The following NMNAT3 variants were observed in gnomAD, a reference collection of about 807,000 sequenced individuals.
NMNAT3 encodes the protein nicotinamide nucleotide adenylyltransferase 3, also known as nicotinamide/nicotinic acid mononucleotide adenylyltransferase 3.
A neutral mutation model predicts 24.8 loss-of-function variants in NMNAT3; 21 were observed. That is an observed-to-expected ratio of 0.85 (90% CI 0.60 to 1.22). The LOEUF (loss-of-function observed/expected upper bound fraction) is 1.22, where lower values mean the gene tolerates loss of function less well. Ranked by LOEUF, NMNAT3 falls within the 50% of genes most tolerant of loss-of-function variation. The pLI, the probability that NMNAT3 is intolerant of heterozygous loss-of-function variation, is 0.00. For synonymous variants in NMNAT3, 136 were observed against 155.2 expected (o/e 0.88, Z 0.92); for missense variants, 387 against 436.6 (o/e 0.89, Z 1.01).
chr3:139,614,001 G>C lies in NMNAT3; in HGVS notation c.109+13615C>G, dbSNP rs185194442. Reference sequence around the variant, plus strand: ...AGGGCCTGTTGTGGGGTGGGGGAAGGGGGGAGGGATAGCATTAGGAGATAT... The same window carrying C: ...AGGGCCTGTTGTGGGGTGGGGGAAGCGGGGAGGGATAGCATTAGGAGATAT... On this transcript the variant is annotated intron_variant, in intron 3 of 6. Transcript: ENST00000643695. Among the ~76,000 whole-genome samples, 439 of 151,988 alleles carry C rather than the reference G, an allele frequency of 2.9e-3. 3 individuals carry two copies. The highest frequency in any genetic ancestry group is 9.9e-3 in the African/African-American group (410 of 41,442).
chr3:139,567,188 G>T (rs1333645791), intron 6 of NMNAT3: 1 of 152,192 alleles, frequency 6.6e-6, no homozygotes, highest in African/African-American at 2.4e-5. Context: ...AAGAATGCTT[G>T]TGATTTTTGT....
intron 1 of NMNAT3, among the ~76,000 whole-genome samples, chr3:139,667,995 A>G (rs2057639161): frequency 6.6e-6 from 1 of 152,230 alleles, no homozygotes; most frequent in Non-Finnish European, 1.5e-5. Context: ...AGAGATAAGG[A>G]TATGGGAGGT....
intron 3 of NMNAT3, among the ~76,000 whole-genome samples, chr3:139,622,996 C>T (rs2108296782): frequency 6.6e-6 from 1 of 150,720 alleles, no homozygotes; most frequent in African/African-American, 2.4e-5. Flanking sequence ...ACTTTATAAA[C>T]ACTGTTTATT....
intron 1 of NMNAT3, among the ~76,000 whole-genome samples, chr3:139,640,077 T>C (rs368574417): frequency 2.0e-5 from 3 of 152,302 alleles, no homozygotes; most frequent in Middle Eastern, 3.4e-3. Context: ...GGACAGTGCA[T>C]GGTGGGACTC....
intron 6 of NMNAT3, 101 bp from the exon 7 acceptor site, chr3:139,561,493 C>A: frequency 2.6e-6 from 3 of 1,144,804 alleles, no homozygotes; most frequent in Non-Finnish European, 2.5e-6. Flanking sequence ...TTGGATGTAT[C>A]GAGAACTCAG....
chr3:139,613,785 C>G (rs560672527), intron 3 of NMNAT3, among the ~76,000 whole-genome samples: 1,789 of 152,218 alleles, frequency 0.012, 23 homozygotes, highest in South Asian at 0.022. Context: ...CACATATACA[C>G]CATGGAATAC....
At chr3:139,673,430 T>TAC (rs768265332) in intron 1 of NMNAT3, among the ~76,000 whole-genome samples, 2 of 152,196 alleles carry the variant, frequency 1.3e-5, no homozygotes, top group African/African-American at 2.4e-5. Context: ...CTTGGCAGCA[T>TAC]ACACCACTGC....
chr3:139,648,413 C>A (rs1043577356), intron 1 of NMNAT3, among the ~76,000 whole-genome samples: 2 of 152,178 alleles, frequency 1.3e-5, no homozygotes, highest in Non-Finnish European at 2.9e-5. Flanking sequence ...GAAAAGCAGG[C>A]AGCCAACTCC....
At chr3:139,656,011 A>T (rs749455706) in intron 1 of NMNAT3, among the ~76,000 whole-genome samples, 1 of 152,218 alleles carries the variant, frequency 6.6e-6, no homozygotes, top group African/African-American at 2.4e-5. Context: ...TCACTAACTC[A>T]GATGCATCCA....
chr3:139,664,074 T>C (rs1477090713), intron 1 of NMNAT3, among the ~76,000 whole-genome samples: 1 of 152,196 alleles, frequency 6.6e-6, no homozygotes, highest in Non-Finnish European at 1.5e-5. Context: ...CATATAGAAA[T>C]GTGAAGACTT....
chr3:139,581,195 A>G (rs986819031), intron 4 of NMNAT3, among the ~76,000 whole-genome samples: 2 of 152,222 alleles, frequency 1.3e-5, no homozygotes, highest in African/African-American at 4.8e-5. Context: ...GAGACTAAAG[A>G]TACAGAATAA....
chr3:139,669,478 GA>G (rs61403161), intron 1 of NMNAT3, among the ~76,000 whole-genome samples: 156 of 59,324 alleles, frequency 2.6e-3, no homozygotes, highest in African/African-American at 8.6e-3. Flanking sequence ...CCCTGTCTCA[GA>G]AAAAAAAAAA....
intron 1 of NMNAT3, among the ~76,000 whole-genome samples, chr3:139,670,065 A>AT (rs149769772): frequency 2.0e-5 from 3 of 152,106 alleles, no homozygotes; most frequent in South Asian, 2.1e-4. Flanking sequence ...TCCATCCATG[A>AT]TTTTTTTCTC....
intron 3 of NMNAT3, among the ~76,000 whole-genome samples, chr3:139,592,005 ACAAT>A (rs2054214186): frequency 6.6e-6 from 1 of 152,250 alleles, no homozygotes; most frequent in African/African-American, 2.4e-5. Context: ...AAGGCTTCAG[ACAAT>A]CAAATTACTC....
chr3:139,596,266 A>G (rs1049231520), intron 3 of NMNAT3, among the ~76,000 whole-genome samples: 3 of 152,158 alleles, frequency 2.0e-5, no homozygotes, highest in African/African-American at 7.2e-5. Flanking sequence ...TAGGCCTACC[A>G]TAATTTTTTT....
At chr3:139,619,279 AGAAGAG>A (rs1385143185) in intron 3 of NMNAT3, among the ~76,000 whole-genome samples, 3 of 152,332 alleles carry the variant, frequency 2.0e-5, no homozygotes, top group African/African-American at 7.2e-5. Context: ...TAACATAGGT[AGAAGAG>A]TCCATTCTGA....
chr3:139,644,437 A>G (rs2056806202), intron 1 of NMNAT3, among the ~76,000 whole-genome samples: 1 of 152,212 alleles, frequency 6.6e-6, no homozygotes, highest in South Asian at 2.1e-4. Context: ...TTAAAATATG[A>G]AAGGACCCAA....
intron 1 of NMNAT3, among the ~76,000 whole-genome samples, chr3:139,666,895 T>C (rs892992437): frequency 1.2e-4 from 18 of 152,234 alleles, no homozygotes; most frequent in African/African-American, 4.1e-4. Context: ...GTTCCATCCA[T>C]GTTGCTGCAA....
intron 2 of NMNAT3, among the ~76,000 whole-genome samples, chr3:139,633,789 G>A (rs2056395826): frequency 6.6e-6 from 1 of 152,118 alleles, no homozygotes; most frequent in African/African-American, 2.4e-5. Context: ...GCTGCAGAGA[G>A]TGGAAGGATC....
Sources: gnomAD v4.1 joint callset for allele counts (sites outside exome capture counted in the v4.1 genomes callset) on GRCh38, gnomAD v4.1.1 for gene constraint, MANE v1.5 for transcripts, NCBI Gene and HGNC (gene_info 2026-07-23, HGNC 2026-07-21) for gene names.